DGCR2: variants seen among roughly 807,000 people sequenced by gnomAD.
DGCR2 encodes integral membrane protein DGCR2/IDD.
A neutral mutation model predicts 51.6 loss-of-function variants in DGCR2; 24 were observed. The ratio of observed to expected loss-of-function variants is 0.47; its 90% CI spans 0.34 to 0.65. The LOEUF is 0.65. Ranked by LOEUF, DGCR2 falls within the 30% of genes least tolerant of loss-of-function variation. The pLI is 0.01. For synonymous variants in DGCR2, 340 were observed against 315.4 expected (o/e 1.08, Z -0.82); for missense variants, 765 against 772.1 (o/e 0.99, Z 0.11).
intron 2 of DGCR2, among the ~76,000 whole-genome samples, chr22:19,076,413 C>T (rs2145988540): frequency 6.6e-6 from 1 of 152,224 alleles, no homozygotes; most frequent in East Asian, 1.9e-4. Flanking sequence ...GATCCGCCCG[C>T]CTCGGCCTCC....
intron 2 of DGCR2, among the ~76,000 whole-genome samples, chr22:19,073,496 C>A (rs1569062496): frequency 6.6e-6 from 1 of 152,134 alleles, no homozygotes; most frequent in South Asian, 2.1e-4. Flanking sequence ...GACCCCTTTC[C>A]CTAAGCTGTA....
At chr22:19,050,447 A>G (rs1319162106) in intron 6 of DGCR2, among the ~76,000 whole-genome samples, 2 of 152,256 alleles carry the variant, frequency 1.3e-5, no homozygotes, top group South Asian at 2.1e-4. Context: ...GATCCACCTT[A>G]TAAGAAACAC....
At chr22:19,077,409 G>A (rs1242733519) in intron 2 of DGCR2, among the ~76,000 whole-genome samples, 1 of 152,200 alleles carries the variant, frequency 6.6e-6, no homozygotes, top group African/African-American at 2.4e-5. Context: ...TGTATGTCCA[G>A]TTTTCCTAGC....
chr22:19,064,795 A>T, intron 4 of DGCR2, 53 bp downstream of exon 4: 1 of 1,533,508 alleles, frequency 6.5e-7, no homozygotes, highest in South Asian at 1.1e-5. Context: ...CCATGTGCTC[A>T]GTAGTCATCA....
At chr22:19,095,980 A>C (rs1011173776) in intron 1 of DGCR2, among the ~76,000 whole-genome samples, 4 of 152,112 alleles carry the variant, frequency 2.6e-5, no homozygotes, top group Admixed American at 6.5e-5. Context: ...CCTTTTCATA[A>C]TTATAAATCC....
At chr22:19,121,974 C>G (rs1032488821) in intron 1 of DGCR2, 154 bp downstream of exon 1, 4 of 355,736 alleles carry the variant, frequency 1.1e-5, no homozygotes, top group African/African-American at 6.5e-5. Flanking sequence ...CAGGCGTCCG[C>G]AGAGAGTGCC....
At chr22:19,070,806 CCCA>C (rs2082805791) in intron 2 of DGCR2, among the ~76,000 whole-genome samples, 2 of 152,256 alleles carry the variant, frequency 1.3e-5, no homozygotes, top group South Asian at 2.1e-4. Context: ...TCCCCTCACC[CCCA>C]CGTTTATTCA....
intron 1 of DGCR2, among the ~76,000 whole-genome samples, chr22:19,098,408 C>T (rs1461501536): frequency 6.6e-6 from 1 of 152,216 alleles, no homozygotes; most frequent in East Asian, 1.9e-4. Flanking sequence ...CCTCTCTCTG[C>T]CACAGCTGCT....
chr22:19,044,497 C>G (rs1383833839), intron 7 of DGCR2, among the ~76,000 whole-genome samples: 1 of 152,208 alleles, frequency 6.6e-6, no homozygotes, highest in African/African-American at 2.4e-5. Flanking sequence ...AGACCAGGAA[C>G]CCAATGTGGG....
chr22:19,060,061 C>T (rs1282599989), intron 5 of DGCR2, among the ~76,000 whole-genome samples: 2 of 152,232 alleles, frequency 1.3e-5, no homozygotes, highest in African/African-American at 4.8e-5. Flanking sequence ...ACGGTGGCAG[C>T]TGCCCCACTC....
At chr22:19,039,185 G>A (rs111261163) in intron 9 of DGCR2, 64 bp from the exon 10 acceptor site, 30 of 1,590,644 alleles carry the variant, frequency 1.9e-5, no homozygotes, top group Middle Eastern at 2.1e-4. Context: ...ATGCAGGGGA[G>A]CTAGGCAAAA....
chr22:19,041,423 A>AC lies in DGCR2; in HGVS notation c.1160-130dup, dbSNP rs1055609888. On this transcript the variant is annotated intron_variant, in intron 8 of 9. Transcript: ENST00000263196. The stretch of plus-strand genomic sequence containing the variant: ...TGCACACACCTGTGCCCCGCTGCCT[A>AC]CCCCTCGGCCACATTCGGCATCCCC... 6.2e-5 allele frequency: 55 copies of AC among 881,396 alleles called. No individual in the cohort carries two copies. The African/African-American group carries it at 7.7e-4, about 12-fold the overall frequency. 54.6% of individuals were successfully genotyped at this position (881,396 alleles called of 1,614,324 possible).
intron 9 of DGCR2, among the ~76,000 whole-genome samples, chr22:19,039,564 G>T (rs769796318): frequency 4.6e-5 from 7 of 152,180 alleles, no homozygotes; most frequent in Non-Finnish European, 1.0e-4. Context: ...GAACATTCAG[G>T]GCTGCAGCTG....
rs1413449598 is a variant in DGCR2 at position 19,038,895 on chromosome 22, G to A, written c.1623C>T (p.His541=). The A allele has an allele frequency of 6.2e-7, 1 of 1,612,906 alleles. No individual in the cohort carries two copies. The highest frequency in any genetic ancestry group is 1.3e-5 in the African/African-American group (1 of 75,064). The change falls in exon 10 of 10, where the codon CAC becomes CAT. Residue 541 remains histidine (H), a synonymous_variant. Transcript: ENST00000263196. ...AAEALPGGGR[H]SRSSLNTVV is the part of the protein sequence containing the mutation. ...CCACAGTATTGAGGGAGCTGCGGCT[G>A]TGGCGGCCACCCCCTGGCAGTGCCT...
At chr22:19,069,836 G>A (rs1235461576) in intron 2 of DGCR2, among the ~76,000 whole-genome samples, 1 of 152,182 alleles carries the variant, frequency 6.6e-6, no homozygotes, top group African/African-American at 2.4e-5. Context: ...CATAGCTCCT[G>A]TCAGGCATGT....
intron 8 of DGCR2, chr22:19,041,558 G>T (rs1007739341): frequency 1.9e-5 from 11 of 594,166 alleles, no homozygotes; most frequent in Non-Finnish European, 3.3e-5. Flanking sequence ...CACCCCTCCA[G>T]CTGGAAGGGT....
Position 19,115,620 on chromosome 22 carries a change from A to C in DGCR2, c.79+6508T>G, listed in dbSNP as rs2083365516. 2.0e-5 allele frequency among the ~76,000 whole-genome samples: 3 copies of C among 152,256 alleles called. 1 individual carries two copies. The highest frequency in any genetic ancestry group is 1.3e-4 in the Admixed American group (2 of 15,286). On this transcript the variant is annotated intron_variant, in intron 1 of 9. Transcript: ENST00000263196. ...AAATAGGCATTTGTGCATTTGTTCA[A>C]TAACTGATTTCTGAGTGCCCAGTCT...
intron 1 of DGCR2, among the ~76,000 whole-genome samples, chr22:19,110,206 A>G (rs1473679864): frequency 6.6e-6 from 1 of 152,266 alleles, no homozygotes; most frequent in Non-Finnish European, 1.5e-5. Context: ...AGTTAAGGTT[A>G]ATGGAGCTAT....
chr22:19,061,629 A>G (rs958397195), intron 5 of DGCR2: 1 of 152,204 alleles, frequency 6.6e-6, no homozygotes, highest in African/African-American at 2.4e-5. Flanking sequence ...AGAACCACTC[A>G]TGATGCTGAG....
Sources: gnomAD v4.1 joint callset for allele counts (sites outside exome capture counted in the v4.1 genomes callset) on GRCh38, gnomAD v4.1.1 for gene constraint, MANE v1.5 for transcripts, NCBI Gene and HGNC (gene_info 2026-07-23, HGNC 2026-07-21) for gene names.